Variants in MMP15 observed in about 807,000 individuals in gnomAD.
The protein encoded by MMP15 is matrix metallopeptidase 15, also known as matrix metalloproteinase-15.
Under a neutral mutation model 65.0 loss-of-function variants are expected in MMP15, and 36 were observed. The observed-to-expected ratio is 0.55, with a 90% confidence interval of 0.42 to 0.73. The LOEUF is 0.73. MMP15 is among the 30% of genes least tolerant of loss of function. The pLI is 0.00. For synonymous variants in MMP15, 428 were observed against 410.2 expected, an observed-to-expected ratio of 1.04 and a Z score of -0.52; for missense variants, 870 against 987.8, an observed-to-expected ratio of 0.88 and a Z score of 1.60.
rs866321780 is a variant in MMP15, at chr16:58,025,770, G to C, written c.-581G>C. On this transcript the variant is annotated 5_prime_UTR_variant, in exon 1 of 10. Transcript: ENST00000219271. ...GCGCGCGGGGAGGAGGGCTGGGAGC[G>C]CCCGGAGCCGCGCTGAACTCGCCGG... is the stretch of plus-strand genomic sequence containing the variant. 4 of 151,912 alleles carry C rather than the reference G, an allele frequency of 2.6e-5. No homozygotes were observed. The highest frequency in any genetic ancestry group is 6.6e-5 in the Admixed American group (1 of 15,266). The allele number at this position is 151,912 out of a possible 1,614,324, so 9.4% of individuals were successfully genotyped here. A position where few individuals can be genotyped will look rare whatever the true frequency, so the allele number is the denominator to read the frequency against.
chr16:58,029,801 C>T (rs1264211677), intron 1 of MMP15, among the ~76,000 whole-genome samples: 1 of 152,110 alleles, frequency 6.6e-6, no homozygotes, highest in Non-Finnish European at 1.5e-5. Context: ...CATGGAAATA[C>T]ACGCTATCCC....
At position 58,046,279 on chromosome 16, in the gene MMP15, C is replaced by T. The variant is rs1348030479; in HGVS notation, c.*833C>T. 1 of 152,950 alleles carries T rather than the reference C, an allele frequency of 6.5e-6. No individual in the cohort carries two copies. 9.5% of individuals were successfully genotyped at this position (152,950 alleles called of 1,614,324 possible). On this transcript the variant is annotated 3_prime_UTR_variant, in exon 10 of 10. Transcript: ENST00000219271. ...CTCCCTCCCTCTCCGACTCACACCA[C>T]TAGCCTCAGGGGTCTGAGCTCCAGC...
At chr16:58,040,515 G>A in intron 4 of MMP15, 22 bp from the exon 5 acceptor site, 2 of 1,608,222 alleles carry the variant, frequency 1.2e-6, no homozygotes, top group Non-Finnish European at 1.7e-6. Context: ...TGACTGTGCT[G>A]CCCTCCTTCT....
chr16:58,040,418 C>G, intron 4 of MMP15, 119 bp from the exon 5 acceptor site: 4 of 1,306,164 alleles, frequency 3.1e-6, no homozygotes, highest in Non-Finnish European at 4.2e-6. Flanking sequence ...AGAGCTCAGC[C>G]TCTTCCAAGA....
At position 58,045,387 on chromosome 16, in the gene MMP15, C is replaced by T. The variant is rs1261777159; in HGVS notation, c.1951C>T (p.Arg651Cys). 6.3e-6 allele frequency: 10 copies of T among 1,582,412 alleles called. No homozygotes were observed. The highest frequency in any genetic ancestry group is 2.3e-5 in the East Asian group (1 of 43,978). ...GLTYALVQMQ[R>C]KGAPRVLLYC... The stretch of plus-strand genomic sequence containing the variant: ...CACCTACGCGCTGGTGCAGATGCAG[C>T]GCAAGGGTGCGCCACGTGTCCTGCT... The change falls in exon 10 of 10, where the codon CGC becomes TGC. Residue 651 changes from arginine to cysteine, a missense_variant. By Grantham distance (180) the Arg-to-Cys change is radical. Coordinates refer to ENST00000219271, the MANE Select transcript of MMP15 (RefSeq NM_002428.4).
intron 3 of MMP15, 34 bp downstream of exon 3, chr16:58,038,428 C>T (rs987938466): frequency 1.2e-6 from 2 of 1,611,560 alleles, no homozygotes; most frequent in Non-Finnish European, 8.5e-7. Flanking sequence ...AAGCATCTGC[C>T]CCTCGGCAGG....
At chr16:58,039,726 A>C (rs1959408544) in intron 3 of MMP15, 149 bp from the exon 4 acceptor site, 2 of 731,980 alleles carry the variant, frequency 2.7e-6, no homozygotes, top group Non-Finnish European at 4.3e-6. Flanking sequence ...GGATTTGACA[A>C]ATTCAAATTA....
intron 1 of MMP15, among the ~76,000 whole-genome samples, chr16:58,031,853 CTTTTTTTTTTT>C (rs749779284): frequency 1.0e-4 from 6 of 57,710 alleles, no homozygotes; most frequent in South Asian, 1.7e-3. Flanking sequence ...TCGATGCCGC[CTTTTTTTTTTT>C]TTTTTTTTTT....
intron 3 of MMP15, 80 bp from the exon 4 acceptor site, chr16:58,039,795 T>C: frequency 7.1e-7 from 1 of 1,414,302 alleles, no homozygotes. Context: ...TGACCTTGCG[T>C]GCACTCTTGG....
chr16:58,033,305 G>A (rs1252604547), intron 1 of MMP15, among the ~76,000 whole-genome samples: 1 of 152,228 alleles, frequency 6.6e-6, no homozygotes, highest in Non-Finnish European at 1.5e-5. Flanking sequence ...TTCAGAAGCA[G>A]CCTGGTCCGA....
chr16:58,037,499 C>T lies in MMP15; in HGVS notation c.190C>T (p.Pro64Ser). The T allele has an allele frequency of 2.5e-6, 4 of 1,613,422 alleles. No homozygotes were observed. Among genetic ancestry groups the T allele is most frequent in the Non-Finnish European group, 3.4e-6 (4 of 1,179,984 alleles). ...CTGGCTGCGGCTTTATGGCTACCTG[C>T]CTCAGCCCAGCCGCCATATGTCCAC... ...ENWLRLYGYL[P>S]QPSRHMSTMR... The change falls in exon 2 of 10, where the codon CCT becomes TCT. Residue 64 changes from proline to serine, a missense_variant. Pro to Ser is a moderately conservative substitution (Grantham distance 74, BLOSUM62 -1). Transcript: ENST00000219271.
chr16:58,034,354 A>ACCCCCCCGGCCCCCCCC (rs1959289898), intron 1 of MMP15, among the ~76,000 whole-genome samples: 1 of 111,650 alleles, frequency 9.0e-6, no homozygotes, highest in Admixed American at 9.5e-5. Context: ...CTCTGGCCCC[A>ACCCCCCCGGCCCCCCCC]CCCCCGCGTC....
rs2142320476 is a variant in MMP15 at position 58,026,270 on chromosome 16, A to G, written c.-81A>G. 8.1e-7 allele frequency: 1 copy of G among 1,231,576 alleles called. No individual in the cohort carries two copies. Among genetic ancestry groups the G allele is most frequent in the East Asian group, 3.2e-5 (1 of 31,256 alleles). The allele number at this position is 1,231,576 out of a possible 1,614,324, so 76.3% of individuals were successfully genotyped here. ...TCCGCGGCGCGCCTGCCGGGCCAGG[A>G]GCCAGGGAGCGTCGCAAGTTTCCAA... On this transcript the variant is annotated 5_prime_UTR_variant, in exon 1 of 10. Transcript: ENST00000219271.
chr16:58,039,723 A>G, intron 3 of MMP15, 152 bp from the exon 4 acceptor site: 1 of 721,408 alleles, frequency 1.4e-6, no homozygotes, highest in Non-Finnish European at 2.2e-6. Flanking sequence ...CCTGGATTTG[A>G]CAAATTCAAA....
In MMP15 at chr16:58,038,514, G is replaced by A. The variant is rs533282004; in HGVS notation, c.440+120G>A. 3.8e-6 allele frequency: 5 copies of A among 1,308,888 alleles called. No individual in the cohort carries two copies. In the Admixed American group the frequency reaches 5.9e-5, roughly 16 times the overall value. 81.1% of individuals were successfully genotyped at this position (1,308,888 alleles called of 1,614,324 possible). On this transcript the variant is annotated intron_variant, in intron 3 of 9. Coordinates refer to ENST00000219271, the MANE Select transcript of MMP15 (RefSeq NM_002428.4). Reference sequence around the variant, plus strand: ...CAGTCCAGCCCGCTTTCACGCTGATGAGACCAGCCACACACGCCAGGCAGT... The same window carrying A: ...CAGTCCAGCCCGCTTTCACGCTGATAAGACCAGCCACACACGCCAGGCAGT...
In MMP15 at chr16:58,026,362, C is replaced by T. The variant is rs1963814278; in HGVS notation, c.12C>T (p.Asp4=). The T allele has an allele frequency of 7.4e-7, 1 of 1,360,036 alleles. No homozygotes were observed. The highest frequency in any genetic ancestry group is 3.1e-5 in the East Asian group (1 of 32,470). 84.2% of individuals were successfully genotyped at this position (1,360,036 alleles called of 1,614,324 possible). MGS[D]PSAPGRPGWT... Reference sequence around the variant, plus strand: ...TGGGCGCCGAGAGCATGGGCAGCGACCCGAGCGCGCCCGGACGGCCGGGCT... The same window carrying T: ...TGGGCGCCGAGAGCATGGGCAGCGATCCGAGCGCGCCCGGACGGCCGGGCT... Residue 4 remains aspartate, a synonymous_variant, in exon 1 of 10, where the codon GAC becomes GAT. Coordinates refer to ENST00000219271, the MANE Select transcript of MMP15 (RefSeq NM_002428.4).
At chr16:58,036,629 T>TG (rs1401910279) in intron 1 of MMP15, among the ~76,000 whole-genome samples, 1 of 152,214 alleles carries the variant, frequency 6.6e-6, no homozygotes, top group African/African-American at 2.4e-5. Flanking sequence ...GTGAGGAAGC[T>TG]GGGGCCCAGG....
chr16:58,034,292 A>C (rs1959288616), intron 1 of MMP15, among the ~76,000 whole-genome samples: 1 of 152,206 alleles, frequency 6.6e-6, no homozygotes, highest in Admixed American at 6.5e-5. Context: ...GCCCAGTGGC[A>C]GCAGAGCAGT....
intron 3 of MMP15, among the ~76,000 whole-genome samples, 197 bp downstream of exon 3, chr16:58,038,591 C>A (rs1177507421): frequency 4.6e-5 from 7 of 152,182 alleles, no homozygotes; most frequent in Non-Finnish European, 1.5e-5. Flanking sequence ...CCTGTCCTTC[C>A]CCACCCCCCA....
Sources: gnomAD v4.1 joint callset for allele counts (sites outside exome capture counted in the v4.1 genomes callset) on GRCh38, gnomAD v4.1.1 for gene constraint, MANE v1.5 for transcripts, NCBI Gene and HGNC (gene_info 2026-07-23, HGNC 2026-07-21) for gene names.